The following MAPK10 variants were observed in gnomAD, a reference collection of about 807,000 sequenced individuals.
MAPK10 encodes JNK3 alpha protein kinase.
In MAPK10, 25 loss-of-function variants were observed where a neutral mutation model predicts 59.3. That is an observed-to-expected ratio of 0.42 (90% CI 0.31 to 0.59). The LOEUF (loss-of-function observed/expected upper bound fraction) is 0.59. Ranked by LOEUF, MAPK10 falls within the 20% of genes least tolerant of loss-of-function variation. The probability of loss-of-function intolerance (pLI) is 0.15; values close to 1 mark genes in which losing one functional copy is unlikely to be tolerated. For synonymous variants in MAPK10, 190 were observed against 200.5 expected (o/e 0.95, Z 0.44); for missense variants, 351 against 568.9 (o/e 0.62, Z 3.90).
chr4:86,454,064 G>T (rs544572538), upstream of MAPK10, among the ~76,000 whole-genome samples: 1 of 152,066 alleles, frequency 6.6e-6, no homozygotes, highest in Non-Finnish European at 1.5e-5. Flanking sequence ...AGGAAAAGAG[G>T]GACAGTACTA....
At chr4:86,377,442 G>A (rs1245650897) in intron 1 of MAPK10, among the ~76,000 whole-genome samples, 4 of 152,206 alleles carry the variant, frequency 2.6e-5, no homozygotes, top group Non-Finnish European at 5.9e-5. Context: ...CAGTCCAGCT[G>A]CAGGCCTTGG....
At chr4:86,033,688 A>C (rs1425885320) in intron 11 of MAPK10, among the ~76,000 whole-genome samples, 10 of 152,202 alleles carry the variant, frequency 6.6e-5, no homozygotes, top group Admixed American at 2.0e-4. Flanking sequence ...ACAAACCAAG[A>C]GGGCTGCTTT....
chr4:86,508,584 G>T (rs1366730872), intron 1 of MAPK10, among the ~76,000 whole-genome samples: 1 of 152,102 alleles, frequency 6.6e-6, no homozygotes, highest in Non-Finnish European at 1.5e-5. Flanking sequence ...GATCTGCATG[G>T]CTGGGTTAAA....
At chr4:86,144,916 T>C (rs1216062749) in intron 4 of MAPK10, among the ~76,000 whole-genome samples, 1 of 152,112 alleles carries the variant, frequency 6.6e-6, no homozygotes, top group Non-Finnish European at 1.5e-5. Flanking sequence ...ATGAACACAA[T>C]TGGATAAATT....
Position 86,201,540 on chromosome 4 carries a change from G to A in MAPK10, c.-6-7133C>T, listed in dbSNP as rs2082623409. On this transcript the variant is annotated intron_variant, in intron 2 of 13. Coordinates refer to ENST00000641462, the MANE Select transcript of MAPK10 (RefSeq NM_138982.4). ...ATAGTGGACTGTGGATGGAGAGAAG[G>A]CTTTATCTTTATATTACAAATTATA... 2.0e-5 allele frequency among the ~76,000 whole-genome samples: 3 copies of A among 151,694 alleles called. No homozygotes were observed. The South Asian group carries it at 6.2e-4, about 32-fold the overall frequency.
intron 4 of MAPK10, 174 bp from the exon 5 acceptor site, chr4:86,107,526 T>C: frequency 1.6e-6 from 2 of 1,276,710 alleles, no homozygotes; most frequent in Non-Finnish European, 2.0e-6. Flanking sequence ...GGCATAAGAA[T>C]ATTCTACATG....
At position 86,011,162 on chromosome 4, in the gene MAPK10, C is replaced by T. The variant is rs1042866294; in HGVS notation, c.*6066G>A. On this transcript the variant is annotated 3_prime_UTR_variant, in exon 14 of 14. Transcript: ENST00000641462. The stretch of plus-strand genomic sequence containing the variant: ...AAATTTCTACAGCACATTTTTAGTG[C>T]CTTAAACAGACTACAATGATGTAAA... The T allele has an allele frequency of 6.6e-6, 1 of 152,146 alleles. No individual in the cohort carries two copies. Among genetic ancestry groups the T allele is most frequent in the Non-Finnish European group, 1.5e-5 (1 of 68,034 alleles). 9.4% of individuals were successfully genotyped at this position (152,146 alleles called of 1,614,324 possible). A position where few individuals can be genotyped will look rare whatever the true frequency, so the allele number is the denominator to read the frequency against.
chr4:86,174,271 G>A (rs10213302), intron 3 of MAPK10, among the ~76,000 whole-genome samples: 6 of 152,018 alleles, frequency 3.9e-5, no homozygotes, highest in African/African-American at 7.3e-5. Flanking sequence ...CATATACACC[G>A]TGGAATACTA....
chr4:86,429,371 AC>A (rs1424892986), intron 1 of MAPK10, among the ~76,000 whole-genome samples: 1 of 152,216 alleles, frequency 6.6e-6, no homozygotes, highest in Non-Finnish European at 1.5e-5. Context: ...AACATGAAAA[AC>A]ATTACATAAA....
intron 13 of MAPK10, among the ~76,000 whole-genome samples, chr4:86,023,496 G>A (rs1748454293): frequency 6.6e-6 from 1 of 151,934 alleles, no homozygotes; most frequent in Non-Finnish European, 1.5e-5. Flanking sequence ...GATAAGTATT[G>A]GCTTAATCTG....
intron 2 of MAPK10, among the ~76,000 whole-genome samples, chr4:86,323,837 AAAT>A (rs2148897996): frequency 6.6e-6 from 1 of 152,340 alleles, no homozygotes; most frequent in South Asian, 2.1e-4. Context: ...ATTTGTGTAA[AAAT>A]AATATTTTAA....
intron 1 of MAPK10, among the ~76,000 whole-genome samples, chr4:86,424,748 T>C (rs753517877): frequency 1.7e-4 from 26 of 152,114 alleles, no homozygotes; most frequent in Non-Finnish European, 3.2e-4. Context: ...GAGGGTAGCA[T>C]AGGTCCAGGG....
At chr4:86,035,621 T>C (rs1011436411) in intron 11 of MAPK10, among the ~76,000 whole-genome samples, 2 of 151,880 alleles carry the variant, frequency 1.3e-5, no homozygotes, top group African/African-American at 4.8e-5. Flanking sequence ...TCAGGAATAA[T>C]TAATAAATGT....
intron 1 of MAPK10, among the ~76,000 whole-genome samples, chr4:86,443,458 ACCCAACTCCAGCTC>A (rs1318808774): frequency 6.6e-6 from 1 of 152,046 alleles, no homozygotes. Context: ...AAAAGAAAAT[ACCCAACTCCAGCTC>A]CCTCTAGCTA....
At chr4:86,070,867 T>C (rs957076169) in intron 9 of MAPK10, among the ~76,000 whole-genome samples, 1 of 152,138 alleles carries the variant, frequency 6.6e-6, no homozygotes, top group African/African-American at 2.4e-5. Flanking sequence ...TGCATGTGTC[T>C]TTATAGCAGC....
chr4:86,097,493 T>C (rs564961998), intron 9 of MAPK10, among the ~76,000 whole-genome samples: 10 of 151,988 alleles, frequency 6.6e-5, no homozygotes, highest in Admixed American at 3.9e-4. Flanking sequence ...TTCTTATCAA[T>C]CAAATAGAAT....
At chr4:86,423,770 CATATATATAT>C (rs539111577) in intron 1 of MAPK10, among the ~76,000 whole-genome samples, 1 of 91,620 alleles carries the variant, frequency 1.1e-5, no homozygotes, top group Non-Finnish European at 2.3e-5. Flanking sequence ...GATATATATA[CATATATATAT>C]ATATATATAT....
chr4:86,289,318 G>T (rs1020439574), intron 2 of MAPK10, among the ~76,000 whole-genome samples: 1 of 152,082 alleles, frequency 6.6e-6, no homozygotes, highest in African/African-American at 2.4e-5. Flanking sequence ...AGGAGGCTGG[G>T]TTTGCTTCTG....
In MAPK10 at chr4:86,529,879, C is replaced by T. The variant is rs904562082; in HGVS notation, c.-263+64031G>A. On this transcript the variant is annotated intron_variant, in intron 1 of 4. Coordinates refer to the MAPK10 transcript ENST00000502302. The stretch of plus-strand genomic sequence containing the variant: ...GCATAAGGAAAATTCCTCCTTGACA[C>T]CCTATAATGTTTGTCTATGTGCTTA... 3.5e-4 allele frequency among the ~76,000 whole-genome samples: 54 copies of T among 152,226 alleles called. 1 individual carries two copies. Among genetic ancestry groups the T allele is most frequent in the African/African-American group, 1.2e-3 (50 of 41,544 alleles).
Sources: allele counts gnomAD v4.1 joint callset (sites outside exome capture counted in the v4.1 genomes callset), GRCh38; gene constraint gnomAD v4.1.1; transcripts MANE v1.5; gene names NCBI Gene and HGNC (gene_info 2026-07-23, HGNC 2026-07-21).